Variants in ZNF329 observed in about 807,000 individuals in gnomAD.
The protein encoded by ZNF329 is zinc finger protein 329.
Under a neutral mutation model 26.6 loss-of-function variants are expected in ZNF329, and 15 were observed. That is an observed-to-expected ratio of 0.56 (90% CI 0.38 to 0.87). The LOEUF (loss-of-function observed/expected upper bound fraction) is 0.87, where lower values mean the gene tolerates loss of function less well. Ranked by LOEUF, ZNF329 falls within the 40% of genes least tolerant of loss-of-function variation. The pLI is 0.00. For synonymous variants in ZNF329, 239 were observed against 233.5 expected (o/e 1.02, Z -0.21); for missense variants, 651 against 651.9 (o/e 1.00, Z 0.02).
At chr19:58,131,738 C>T (rs990265181) in intron 3 of ZNF329, among the ~76,000 whole-genome samples, 3 of 151,912 alleles carry the variant, frequency 2.0e-5, no homozygotes, top group African/African-American at 4.8e-5. Flanking sequence ...GTCCTGAAAA[C>T]ATTGGCTGGG....
chr19:58,145,404 CT>C (rs2146119818), intron 1 of ZNF329, among the ~76,000 whole-genome samples: 1 of 150,428 alleles, frequency 6.6e-6, no homozygotes, highest in East Asian at 1.9e-4. Flanking sequence ...TCACTGCAAC[CT>C]CCGCCTCCTG....
rs949137769 is a variant in ZNF329, at chr19:58,127,682, G to A, written c.*196C>T. On this transcript the variant is annotated 3_prime_UTR_variant, in exon 4 of 4. Transcript: ENST00000598312. Reference sequence around the variant, plus strand: ...CTGAATCATCCCCAAAGACTTTTCTGCCCTCATCCTAAGTTGTCTCTGGAG... The same window carrying A: ...CTGAATCATCCCCAAAGACTTTTCTACCCTCATCCTAAGTTGTCTCTGGAG... 4 of 529,544 alleles carry A rather than the reference G, an allele frequency of 7.6e-6. No individual in the cohort carries two copies. Among genetic ancestry groups the A allele is most frequent in the Non-Finnish European group, 1.3e-5 (4 of 301,956 alleles). 32.8% of individuals were successfully genotyped at this position (529,544 alleles called of 1,614,324 possible). A position where few individuals can be genotyped will look rare whatever the true frequency, so the allele number is the denominator to read the frequency against.
rs143806581 is a variant in ZNF329 at position 58,129,282 on chromosome 19, A to G, written c.222T>C (p.Ile74=). 1.4e-4 allele frequency: 230 copies of G among 1,614,072 alleles called. No homozygotes were observed. The highest frequency in any genetic ancestry group is 1.8e-4 in the Non-Finnish European group (212 of 1,180,038). ...CEYPGFGEHL[I]ASSDLPPSQR... ...GAGACGGTGGAAGGTCTGAGCTTGCAATCAAATGCTCCCCAAAACCAGGAT... is the reference window on the plus strand; with the variant it reads ...GAGACGGTGGAAGGTCTGAGCTTGCGATCAAATGCTCCCCAAAACCAGGAT... The change falls in exon 4 of 4, where the codon ATT becomes ATC. Residue 74 remains isoleucine, a synonymous_variant. Coordinates refer to ENST00000598312, the MANE Select transcript of ZNF329 (RefSeq NM_024620.4).
chr19:58,144,423 C>T, intron 1 of ZNF329, among the ~76,000 whole-genome samples: 1 of 140,314 alleles, frequency 7.1e-6, no homozygotes, highest in African/African-American at 2.8e-5. Context: ...GAGTCTCGCT[C>T]TGTAGCTGGG....
chr19:58,149,056 T>C (rs2075390727), intron 1 of ZNF329, among the ~76,000 whole-genome samples: 1 of 152,180 alleles, frequency 6.6e-6, no homozygotes, highest in Non-Finnish European at 1.5e-5. Context: ...AAAGACCTTG[T>C]TGATAAAACA....
chr19:58,147,492 C>G (rs1242527094), intron 1 of ZNF329, among the ~76,000 whole-genome samples: 1 of 145,058 alleles, frequency 6.9e-6, no homozygotes, highest in Admixed American at 6.7e-5. Context: ...GCCGCCCCTA[C>G]TGGGAAGTGA....
intron 3 of ZNF329, among the ~76,000 whole-genome samples, chr19:58,135,293 G>A (rs192481421): frequency 7.5e-4 from 113 of 151,382 alleles, no homozygotes; most frequent in South Asian, 6.3e-3. Flanking sequence ...TTTTTGAGAC[G>A]GAGTCTCACT....
chr19:58,137,809 C>CAAAAAAAAAAAAAAA, intron 3 of ZNF329, among the ~76,000 whole-genome samples: 1 of 76,268 alleles, frequency 1.3e-5, no homozygotes, highest in African/African-American at 5.0e-5. Flanking sequence ...ACAAAAAATA[C>CAAAAAAAAAAAAAAA]AAAAAAAAAA....
intron 3 of ZNF329, among the ~76,000 whole-genome samples, chr19:58,131,100 T>C (rs1319253342): frequency 6.6e-6 from 1 of 150,622 alleles, no homozygotes; most frequent in Non-Finnish European, 1.5e-5. Flanking sequence ...TTTAAATATA[T>C]ATACATGTAT....
intron 3 of ZNF329, among the ~76,000 whole-genome samples, chr19:58,140,537 C>T (rs147995513): frequency 0.016 from 2,489 of 151,588 alleles, 56 homozygotes; most frequent in African/African-American, 0.043. Context: ...CTCAGCCTCC[C>T]GAGTAGCTGG....
Position 58,148,317 on chromosome 19 carries a change from C to T in ZNF329, c.-208+2435G>A, listed in dbSNP as rs1600099929. Among the ~76,000 whole-genome samples, 4 of 149,164 alleles carry T rather than the reference C, an allele frequency of 2.7e-5. No homozygotes were observed. The East Asian group carries it at 7.8e-4, about 29-fold the overall frequency. On this transcript the variant is annotated intron_variant, in intron 1 of 3. Coordinates refer to ENST00000598312, the MANE Select transcript of ZNF329 (RefSeq NM_024620.4). Reference sequence around the variant, plus strand: ...AGACCTTTGTTCACTTATTTATCTGCTGACCTCCCCTCCACTATTGTCCTA... The same window carrying T: ...AGACCTTTGTTCACTTATTTATCTGTTGACCTCCCCTCCACTATTGTCCTA...
At chr19:58,136,505 C>T (rs1189848010) in intron 3 of ZNF329, among the ~76,000 whole-genome samples, 1 of 151,528 alleles carries the variant, frequency 6.6e-6, no homozygotes, top group Non-Finnish European at 1.5e-5. Context: ...AAGACTGTGT[C>T]TCTATGAAAG....
At position 58,129,466 on chromosome 19, in the gene ZNF329, C is replaced by A. The variant is rs549725156; in HGVS notation, c.38G>T (p.Arg13Ile). Reference sequence around the variant, plus strand: ...CACTTCTACATCACAGGGTACTTCTCTCTCAGGAAAATTCCGAGTCGTCAT... The same window carrying A: ...CACTTCTACATCACAGGGTACTTCTATCTCAGGAAAATTCCGAGTCGTCAT... ...LKMTTRNFPE[R>I]EVPCDVEVER... The change falls in exon 4 of 4, where the codon AGA (arginine) becomes ATA (isoleucine). Residue 13 changes from arginine to isoleucine, a missense_variant. Coordinates refer to ENST00000598312, the MANE Select transcript of ZNF329 (RefSeq NM_024620.4). 1.9e-6 allele frequency: 3 copies of A among 1,599,784 alleles called. No homozygotes were observed. Among genetic ancestry groups the A allele is most frequent in the East Asian group, 4.5e-5 (2 of 44,720 alleles).
At chr19:58,149,562 G>A (rs1383888973) in intron 1 of ZNF329, among the ~76,000 whole-genome samples, 1 of 152,146 alleles carries the variant, frequency 6.6e-6, no homozygotes. Flanking sequence ...CTATGCAAAT[G>A]CGGAACTTTT....
intron 1 of ZNF329, among the ~76,000 whole-genome samples, chr19:58,145,747 GAATGGCT>G (rs2075293675): frequency 6.6e-6 from 1 of 152,098 alleles, no homozygotes; most frequent in Non-Finnish European, 1.5e-5. Context: ...ACCATCTCTA[GAATGGCT>G]TATCAATTAC....
intron 1 of ZNF329, among the ~76,000 whole-genome samples, chr19:58,147,694 C>A (rs1368074368): frequency 2.0e-5 from 3 of 147,382 alleles, no homozygotes; most frequent in Admixed American, 1.3e-4. Flanking sequence ...AGATGAGGGG[C>A]GCCTCTGCCC....
chr19:58,152,645 G>C (rs2075478102), upstream of ZNF329, among the ~76,000 whole-genome samples: 1 of 152,066 alleles, frequency 6.6e-6, no homozygotes, highest in Non-Finnish European at 1.5e-5. Flanking sequence ...ATCACTTGAG[G>C]TCAGGAATTC....
chr19:58,149,256 A>G (rs1477015822), intron 1 of ZNF329, among the ~76,000 whole-genome samples: 1 of 152,228 alleles, frequency 6.6e-6, no homozygotes, highest in African/African-American at 2.4e-5. Flanking sequence ...AGAAATAACC[A>G]TAAAAATGGG....
intron 3 of ZNF329, among the ~76,000 whole-genome samples, chr19:58,134,657 C>T (rs967645526): frequency 3.9e-5 from 6 of 152,218 alleles, no homozygotes; most frequent in East Asian, 1.9e-4. Context: ...CAGAGCAGGC[C>T]GGGCGCGGTG....
Sources: gnomAD v4.1 joint callset for allele counts (sites outside exome capture counted in the v4.1 genomes callset) on GRCh38, gnomAD v4.1.1 for gene constraint, MANE v1.5 for transcripts, NCBI Gene and HGNC (gene_info 2026-07-23, HGNC 2026-07-21) for gene names.